The following BNC2 variants were observed in gnomAD, a reference collection of about 807,000 sequenced individuals.
BNC2 encodes the protein zinc finger protein basonuclin-2.
Under a neutral mutation model 76.3 loss-of-function variants are expected in BNC2, and 20 were observed. The observed-to-expected ratio is 0.26, with a 90% CI of 0.18 to 0.38. The LOEUF is 0.38. Among genes scored for constraint, BNC2 ranks in the 10% least tolerant of loss-of-function variants. BNC2 has a pLI of 1.00. For missense variants in BNC2, 1,382 were observed against 1,399.8 expected (o/e 0.99, Z 0.20); for synonymous variants, 582 against 514.8 (o/e 1.13, Z -1.77).
chr9:16,710,687 AC>A (rs1823811383), intron 3 of BNC2, among the ~76,000 whole-genome samples: 1 of 151,816 alleles, frequency 6.6e-6, no homozygotes, highest in African/African-American at 2.4e-5. Context: ...CATCCAAGCC[AC>A]CCCCACATAA....
intron 3 of BNC2, among the ~76,000 whole-genome samples, chr9:16,666,234 G>C (rs1204138375): frequency 1.3e-5 from 2 of 151,966 alleles, no homozygotes; most frequent in East Asian, 1.9e-4. Flanking sequence ...CAGAGCTATA[G>C]TTTGCCAGAG....
intron 3 of BNC2, among the ~76,000 whole-genome samples, chr9:16,691,345 A>G (rs1823155970): frequency 6.6e-6 from 1 of 152,180 alleles, no homozygotes; most frequent in Admixed American, 6.5e-5. Flanking sequence ...AAATTAAGAC[A>G]AAGTTCTCTC....
intron 3 of BNC2, among the ~76,000 whole-genome samples, chr9:16,698,333 A>T (rs1329208103): frequency 1.3e-5 from 2 of 151,542 alleles, no homozygotes; most frequent in African/African-American, 4.9e-5. Flanking sequence ...AAAAAAAAAA[A>T]ATCCACAAAC....
intron 3 of BNC2, among the ~76,000 whole-genome samples, chr9:16,668,472 T>C (rs912610409): frequency 3.9e-5 from 6 of 152,222 alleles, no homozygotes; most frequent in Non-Finnish European, 8.8e-5. Context: ...CATGAGTGAA[T>C]ATTCTGATTT....
chr9:16,531,078 A>G (rs906523155), intron 5 of BNC2, among the ~76,000 whole-genome samples: 1 of 152,222 alleles, frequency 6.6e-6, no homozygotes, highest in African/African-American at 2.4e-5. Context: ...TGAGATCAAG[A>G]GGAGATGGTG....
chr9:16,807,839 G>A (rs975392009), intron 1 of BNC2, among the ~76,000 whole-genome samples: 4 of 152,078 alleles, frequency 2.6e-5, no homozygotes, highest in African/African-American at 9.7e-5. Flanking sequence ...ACTCTGGAGT[G>A]AGAAATGAAC....
intron 4 of BNC2, among the ~76,000 whole-genome samples, chr9:16,581,008 G>T (rs1233485246): frequency 6.6e-6 from 1 of 152,134 alleles, no homozygotes; most frequent in East Asian, 1.9e-4. Flanking sequence ...TGGTTCTGAT[G>T]AGTTTAGGAT....
At chr9:16,522,929 G>A (rs141834226) in intron 5 of BNC2, among the ~76,000 whole-genome samples, 207 of 152,170 alleles carry the variant, frequency 1.4e-3, no homozygotes, top group Admixed American at 4.0e-3. Context: ...AACCATGATG[G>A]GAAAGAAAAG....
At chr9:16,835,523 A>G (rs969939185) in intron 1 of BNC2, among the ~76,000 whole-genome samples, 2 of 151,620 alleles carry the variant, frequency 1.3e-5, no homozygotes, top group African/African-American at 4.9e-5. Flanking sequence ...ACATGGTGAA[A>G]CCCTGTCCCT....
At chr9:16,601,444 G>A (rs755620268) in intron 3 of BNC2, among the ~76,000 whole-genome samples, 17 of 152,212 alleles carry the variant, frequency 1.1e-4, no homozygotes, top group Non-Finnish European at 2.2e-4. Context: ...AAGGACTTCA[G>A]GGGTAAAGGG....
intron 3 of BNC2, among the ~76,000 whole-genome samples, chr9:16,587,092 G>A (rs536252250): frequency 2.5e-4 from 38 of 151,998 alleles, no homozygotes; most frequent in African/African-American, 7.7e-4. Context: ...TTATTTCACA[G>A]AGGAAACTAA....
At chr9:16,553,209 T>C (rs1818719362) in intron 4 of BNC2, among the ~76,000 whole-genome samples, 1 of 152,176 alleles carries the variant, frequency 6.6e-6, no homozygotes, top group Non-Finnish European at 1.5e-5. Flanking sequence ...AATATCACTT[T>C]TCTGAATAAG....
intron 1 of BNC2, among the ~76,000 whole-genome samples, chr9:16,739,125 A>C (rs892455762): frequency 6.6e-6 from 1 of 152,154 alleles, no homozygotes; most frequent in Non-Finnish European, 1.5e-5. Flanking sequence ...AACATAAGGG[A>C]AGATGTACAT....
intron 3 of BNC2, among the ~76,000 whole-genome samples, chr9:16,623,069 G>A (rs770980117): frequency 1.3e-5 from 2 of 152,076 alleles, no homozygotes; most frequent in Non-Finnish European, 2.9e-5. Context: ...TTCAGTATCT[G>A]TTTAATACAT....
intron 5 of BNC2, among the ~76,000 whole-genome samples, chr9:16,532,830 T>C (rs2093162133): frequency 1.3e-5 from 2 of 152,188 alleles, no homozygotes; most frequent in Admixed American, 1.3e-4. Flanking sequence ...AAGCATCTCT[T>C]CCCAACTCCA....
intron 1 of BNC2, among the ~76,000 whole-genome samples, chr9:16,837,595 T>C (rs988680464): frequency 2.0e-5 from 3 of 152,214 alleles, no homozygotes; most frequent in Admixed American, 6.5e-5. Context: ...TCGAAGTCGA[T>C]GTCTGGTGAA....
At chr9:16,690,383 A>G (rs1323645553) in intron 3 of BNC2, among the ~76,000 whole-genome samples, 2 of 152,150 alleles carry the variant, frequency 1.3e-5, no homozygotes, top group African/African-American at 2.4e-5. Flanking sequence ...CTTAAGCCCA[A>G]GAGTTCAAAG....
At chr9:16,530,449 A>G (rs1406742084) in intron 5 of BNC2, among the ~76,000 whole-genome samples, 3 of 152,070 alleles carry the variant, frequency 2.0e-5, no homozygotes, top group Admixed American at 6.5e-5. Flanking sequence ...ATGAAAGCCA[A>G]TTGGGGTTCC....
chr9:16,692,181 C>T (rs141375547), intron 3 of BNC2, among the ~76,000 whole-genome samples: 36 of 152,242 alleles, frequency 2.4e-4, no homozygotes, highest in African/African-American at 6.0e-4. Context: ...TCTTGTAATA[C>T]ATTATTTTGG....
Sources: allele counts gnomAD v4.1 joint callset (sites outside exome capture counted in the v4.1 genomes callset), GRCh38; gene constraint gnomAD v4.1.1; transcripts MANE v1.5; gene names NCBI Gene and HGNC (gene_info 2026-07-23, HGNC 2026-07-21).